ZNF385D: variants seen among roughly 807,000 people sequenced by gnomAD.
ZNF385D encodes the protein zinc finger protein 385D, also known as zinc finger protein 659.
Under a neutral mutation model 35.8 loss-of-function variants are expected in ZNF385D, and 15 were observed. The ratio of observed to expected loss-of-function variants is 0.42; its 90% CI spans 0.28 to 0.64. The LOEUF is 0.64. ZNF385D is among the 30% of genes least tolerant of loss of function. The pLI is 0.23. For missense variants in ZNF385D, 474 were observed against 494.6 expected, an observed-to-expected ratio of 0.96 and a Z score of 0.39; for synonymous variants, 212 against 186.8, an observed-to-expected ratio of 1.13 and a Z score of -1.10.
At chr3:22,196,809 T>G (rs1370327356) in intron 2 of ZNF385D, among the ~76,000 whole-genome samples, 1 of 152,110 alleles carries the variant, frequency 6.6e-6, no homozygotes, top group Non-Finnish European at 1.5e-5. Flanking sequence ...TTTTGATGAT[T>G]AGTTCCTTAC....
intron 3 of ZNF385D, among the ~76,000 whole-genome samples, chr3:21,522,875 G>A (rs1333065398): frequency 6.6e-6 from 1 of 152,190 alleles, no homozygotes; most frequent in African/African-American, 2.4e-5. Context: ...GTGTCAGCAA[G>A]AAAGTTCTAA....
intron 2 of ZNF385D, among the ~76,000 whole-genome samples, chr3:21,598,104 A>T (rs1196995901): frequency 6.6e-6 from 1 of 152,198 alleles, no homozygotes; most frequent in Non-Finnish European, 1.5e-5. Context: ...TAAGCGGTTG[A>T]ATCATTTATC....
chr3:21,899,071 A>C (rs171827), intron 3 of ZNF385D, among the ~76,000 whole-genome samples: 1 of 151,832 alleles, frequency 6.6e-6, no homozygotes, highest in Non-Finnish European at 1.5e-5. Flanking sequence ...CGGGATGTTT[A>C]TTATTCCCCA....
At chr3:22,223,295 C>T (rs976476182) in intron 2 of ZNF385D, among the ~76,000 whole-genome samples, 4 of 151,826 alleles carry the variant, frequency 2.6e-5, no homozygotes, top group African/African-American at 7.3e-5. Flanking sequence ...TTCTCTATCT[C>T]GGTTGTTTGT....
At chr3:21,785,020 G>A (rs1385119382) in intron 3 of ZNF385D, among the ~76,000 whole-genome samples, 1 of 152,038 alleles carries the variant, frequency 6.6e-6, no homozygotes. Flanking sequence ...CCTCTTCCTA[G>A]TTTAGCTCTA....
rs191114722 is a variant in ZNF385D, at chr3:22,356,635, G to A, written c.106+15815C>T. 1.1e-4 allele frequency among the ~76,000 whole-genome samples: 16 copies of A among 152,014 alleles called. No homozygotes were observed. The East Asian group carries it at 2.9e-3, about 28-fold the overall frequency. On this transcript the variant is annotated intron_variant, in intron 2 of 5. Transcript: ENST00000494108. ...GCAAGTACTGTACGAATATTAGATAGGTAGATAATACATAGAATGCAAAGT... is the reference window on the plus strand; with the variant it reads ...GCAAGTACTGTACGAATATTAGATAAGTAGATAATACATAGAATGCAAAGT...
intron 3 of ZNF385D, among the ~76,000 whole-genome samples, chr3:21,824,799 T>TA (rs1694495410): frequency 6.6e-6 from 1 of 152,196 alleles, no homozygotes; most frequent in Non-Finnish European, 1.5e-5. Flanking sequence ...TTAGAGCATT[T>TA]AAGGTAAACT....
At chr3:21,582,498 G>C (rs1383470419) in intron 2 of ZNF385D, among the ~76,000 whole-genome samples, 1 of 151,740 alleles carries the variant, frequency 6.6e-6, no homozygotes. Flanking sequence ...TTCACTCATG[G>C]GCCTTTCTTA....
rs1700566028 is a variant in ZNF385D at position 21,416,689 on chromosome 3, T to C, written c.*4525A>G. On this transcript the variant is annotated 3_prime_UTR_variant, in exon 8 of 8. Coordinates refer to ENST00000281523, the MANE Select transcript of ZNF385D (RefSeq NM_024697.3). ...AAAACTTTCACTGTTAGGACTCAGT[T>C]TAAATAATTCCTGTAACAATGACAA... 6.6e-6 allele frequency: 1 copy of C among 152,140 alleles called. No individual in the cohort carries two copies. Among genetic ancestry groups the C allele is most frequent in the Non-Finnish European group, 1.5e-5 (1 of 68,022 alleles). The allele number at this position is 152,140 out of a possible 1,614,324, so 9.4% of individuals were successfully genotyped here.
intron 2 of ZNF385D, among the ~76,000 whole-genome samples, chr3:22,203,994 G>A (rs1199755045): frequency 6.6e-6 from 1 of 152,062 alleles, no homozygotes; most frequent in Non-Finnish European, 1.5e-5. Context: ...GCAAACATAG[G>A]TGGTAGTCAA....
At chr3:21,637,925 A>G (rs929632844) in intron 2 of ZNF385D, among the ~76,000 whole-genome samples, 22 of 152,252 alleles carry the variant, frequency 1.4e-4, no homozygotes, top group African/African-American at 5.1e-4. Context: ...TTTAAGCTGA[A>G]TCTAAAATTT....
intron 3 of ZNF385D, among the ~76,000 whole-genome samples, chr3:21,985,039 T>C (rs12631303): frequency 6.8e-4 from 101 of 147,738 alleles, no homozygotes; most frequent in Admixed American, 1.8e-3. Flanking sequence ...TTTGCTGAAG[T>C]TGCTTATCAG....
chr3:21,862,620 C>T (rs541967595), intron 3 of ZNF385D, among the ~76,000 whole-genome samples: 6 of 152,214 alleles, frequency 3.9e-5, no homozygotes, highest in South Asian at 2.1e-4. Flanking sequence ...AGCATAAAGA[C>T]GTATGCTAAA....
rs1009152549 is a variant in ZNF385D, at chr3:21,420,506, T to C, written c.*708A>G. On this transcript the variant is annotated 3_prime_UTR_variant, in exon 8 of 8. Transcript: ENST00000281523. ...TCTCTAAGCTTAGCCCTGTTATATC[T>C]TCAAGCTAGACAGGAGGGGAGAATG... 1.3e-5 allele frequency: 2 copies of C among 152,200 alleles called. No individual in the cohort carries two copies. Among genetic ancestry groups the C allele is most frequent in the African/African-American group, 2.4e-5 (1 of 41,452 alleles). 9.4% of individuals were successfully genotyped at this position (152,200 alleles called of 1,614,324 possible).
At chr3:21,432,204 T>C (rs927464233) in intron 5 of ZNF385D, among the ~76,000 whole-genome samples, 1 of 152,294 alleles carries the variant, frequency 6.6e-6, no homozygotes, top group East Asian at 1.9e-4. Flanking sequence ...ATGTATTAAA[T>C]GCATTTATTG....
intron 4 of ZNF385D, among the ~76,000 whole-genome samples, chr3:21,478,793 C>T (rs558595677): frequency 1.3e-5 from 2 of 152,114 alleles, no homozygotes; most frequent in Non-Finnish European, 2.9e-5. Context: ...ATAAAAAACA[C>T]CATCCCCAGT....
At chr3:21,518,467 C>T (rs1707714862) in intron 3 of ZNF385D, among the ~76,000 whole-genome samples, 1 of 152,124 alleles carries the variant, frequency 6.6e-6, no homozygotes, top group Non-Finnish European at 1.5e-5. Flanking sequence ...ATATTGAATG[C>T]ATTGTTATGA....
At chr3:22,115,204 G>T (rs776742859) in intron 3 of ZNF385D, among the ~76,000 whole-genome samples, 2 of 152,022 alleles carry the variant, frequency 1.3e-5, no homozygotes, top group East Asian at 3.9e-4. Flanking sequence ...ACTGATCACC[G>T]AGCAGATTTG....
chr3:21,804,977 A>C (rs892435387), intron 3 of ZNF385D, among the ~76,000 whole-genome samples: 11 of 152,344 alleles, frequency 7.2e-5, no homozygotes, highest in African/African-American at 2.6e-4. Flanking sequence ...CCTGGGCAGA[A>C]GCAAGATTGA....
Sources: gnomAD v4.1 joint callset for allele counts (sites outside exome capture counted in the v4.1 genomes callset) on GRCh38, gnomAD v4.1.1 for gene constraint, MANE v1.5 for transcripts, NCBI Gene and HGNC (gene_info 2026-07-23, HGNC 2026-07-21) for gene names.